The following VAV3 variants were observed in gnomAD, a reference collection of about 807,000 sequenced individuals.
VAV3 encodes guanine nucleotide exchange factor VAV3.
Under a neutral mutation model 131.2 loss-of-function variants are expected in VAV3, and 94 were observed. The observed-to-expected ratio is 0.72, with a 90% CI of 0.61 to 0.85. VAV3 has a LOEUF of 0.85. Ranked by LOEUF, VAV3 falls within the 40% of genes least tolerant of loss-of-function variation. The probability of loss-of-function intolerance (pLI) is 0.00; values close to 1 mark genes in which losing one functional copy is unlikely to be tolerated. For synonymous variants in VAV3, 349 were observed against 342.0 expected (o/e 1.02, Z -0.22); for missense variants, 939 against 1,002.7 (o/e 0.94, Z 0.86).
chr1:107,621,503 T>A (rs1243571526), intron 20 of VAV3, among the ~76,000 whole-genome samples: 1 of 152,028 alleles, frequency 6.6e-6, no homozygotes, highest in Non-Finnish European at 1.5e-5. Flanking sequence ...CAGCTGTCAA[T>A]CCCCTATGCA....
At chr1:107,931,489 G>A (rs1003004467) in intron 1 of VAV3, among the ~76,000 whole-genome samples, 4 of 152,122 alleles carry the variant, frequency 2.6e-5, no homozygotes, top group African/African-American at 2.4e-5. Context: ...CTAGATAACC[G>A]TTGAATCCAG....
At chr1:107,766,314 T>C in intron 8 of VAV3, 133 bp downstream of exon 8, 1 of 607,208 alleles carries the variant, frequency 1.6e-6, no homozygotes, top group Non-Finnish European at 2.9e-6. Context: ...TGAAAGTAAT[T>C]GTCCCACGTT....
At chr1:107,602,559 C>T (rs1651947701) in intron 23 of VAV3, 75 bp from the exon 24 acceptor site, 2 of 1,151,876 alleles carry the variant, frequency 1.7e-6, no homozygotes, top group Non-Finnish European at 2.4e-6. Context: ...AGAGGGCATG[C>T]CCCAATAACA....
At chr1:107,664,004 T>C (rs1442473864) in intron 19 of VAV3, among the ~76,000 whole-genome samples, 1 of 152,234 alleles carries the variant, frequency 6.6e-6, no homozygotes, top group Non-Finnish European at 1.5e-5. Flanking sequence ...CTTTTCATTA[T>C]TTTTGTACAT....
At chr1:107,669,304 C>G (rs943491900) in intron 19 of VAV3, 6 of 1,288,928 alleles carry the variant, frequency 4.7e-6, no homozygotes, top group Non-Finnish European at 6.1e-6. Context: ...AAAGAGCTAC[C>G]CAGTATTGTT....
intron 20 of VAV3, 79 bp from the exon 21 acceptor site, chr1:107,617,711 C>T: frequency 7.9e-7 from 1 of 1,267,832 alleles, no homozygotes; most frequent in Non-Finnish European, 1.1e-6. Flanking sequence ...ATACATAGCA[C>T]TGTTACTTAG....
intron 15 of VAV3, among the ~76,000 whole-genome samples, chr1:107,715,359 GACAA>G (rs1196968449): frequency 2.0e-5 from 3 of 152,154 alleles, no homozygotes; most frequent in African/African-American, 4.8e-5. Flanking sequence ...TATCATAAGT[GACAA>G]ACATTTAGTG....
rs1282594059 is a variant in VAV3 at position 107,770,662 on chromosome 1, T to G, written c.622A>C (p.Thr208Pro). The change falls in exon 6 of 27, where the codon ACA (threonine) becomes CCA (proline). Residue 208 changes from threonine (T) to proline (P), a missense_variant. Coordinates refer to ENST00000370056, the MANE Select transcript of VAV3 (RefSeq NM_006113.5). The part of the protein sequence containing the change: ...AEIKQTEEKY[T>P]ETLESIEKYF... ...TTTTCTATTGACTCCAAAGTTTCTG[T>G]ATATTTTTCTTCTGTCTGCTTAATT... 1 of 1,612,092 alleles carries G rather than the reference T, an allele frequency of 6.2e-7. No individual in the cohort carries two copies. The highest frequency in any genetic ancestry group is 8.5e-7 in the Non-Finnish European group (1 of 1,178,826).
At chr1:107,700,056 G>A (rs1660004497) in intron 17 of VAV3, among the ~76,000 whole-genome samples, 1 of 152,178 alleles carries the variant, frequency 6.6e-6, no homozygotes, top group African/African-American at 2.4e-5. Context: ...AATTATAAGT[G>A]CAAGTGAGTT....
intron 15 of VAV3, among the ~76,000 whole-genome samples, chr1:107,737,589 C>A (rs1043982003): frequency 2.0e-5 from 3 of 152,130 alleles, no homozygotes; most frequent in Non-Finnish European, 2.9e-5. Context: ...ATGCAGCCAA[C>A]AGACACATGA....
chr1:107,909,949 T>C (rs1672291048), intron 1 of VAV3, among the ~76,000 whole-genome samples: 1 of 152,198 alleles, frequency 6.6e-6, no homozygotes, highest in South Asian at 2.1e-4. Context: ...AATTAAGAAG[T>C]GGCAGACATC....
At chr1:107,664,486 G>C (rs148140579) in intron 19 of VAV3, among the ~76,000 whole-genome samples, 7 of 152,170 alleles carry the variant, frequency 4.6e-5, no homozygotes, top group Non-Finnish European at 1.0e-4. Flanking sequence ...CAAAGTATAA[G>C]AAGCAGCAGC....
intron 2 of VAV3, among the ~76,000 whole-genome samples, chr1:107,867,339 A>G (rs1439071005): frequency 6.6e-6 from 1 of 152,200 alleles, no homozygotes; most frequent in African/African-American, 2.4e-5. Flanking sequence ...GGTGTAAAAA[A>G]TGTGTTTGCA....
chr1:107,816,142 G>T (rs1667550875), intron 2 of VAV3, among the ~76,000 whole-genome samples: 1 of 152,120 alleles, frequency 6.6e-6, no homozygotes, highest in South Asian at 2.1e-4. Context: ...ACTTGTCTGT[G>T]GCCCAGGGGT....
intron 6 of VAV3, among the ~76,000 whole-genome samples, chr1:107,769,342 C>G (rs974771092): frequency 3.9e-5 from 6 of 152,208 alleles, no homozygotes; most frequent in Non-Finnish European, 7.3e-5. Flanking sequence ...ATGGACATTA[C>G]CGATCGTCTA....
intron 12 of VAV3, among the ~76,000 whole-genome samples, chr1:107,751,610 A>G (rs1460170595): frequency 6.6e-6 from 1 of 151,414 alleles, no homozygotes; most frequent in Non-Finnish European, 1.5e-5. Flanking sequence ...CAGTGGAGGA[A>G]CAAATATTCA....
Position 107,879,855 on chromosome 1 carries a change from T to C in VAV3, c.205-4838A>G, listed in dbSNP as rs966111056. On this transcript the variant is annotated intron_variant, in intron 1 of 26. Transcript: ENST00000370056. ...AATATTCAGTGTATCCATATAAGAG[T>C]TGCCAAGTAAGGATACACAAAAGTT... Among the ~76,000 whole-genome samples the C allele has an allele frequency of 3.5e-4, 54 of 152,166 alleles. 1 individual carries two copies. The highest frequency in any genetic ancestry group is 1.3e-3 in the African/African-American group (52 of 41,518).
intron 2 of VAV3, among the ~76,000 whole-genome samples, chr1:107,812,097 A>G (rs1667340407): frequency 6.6e-6 from 1 of 152,220 alleles, no homozygotes; most frequent in Admixed American, 6.5e-5. Flanking sequence ...TTAAAAAAGA[A>G]ATGTTTAAAT....
chr1:107,917,971 A>G (rs907229177), intron 1 of VAV3, among the ~76,000 whole-genome samples: 6 of 152,226 alleles, frequency 3.9e-5, no homozygotes, highest in Non-Finnish European at 1.5e-5. Context: ...AATTAACTGA[A>G]AAAGGGTAGT....
Sources: gnomAD v4.1 joint callset for allele counts (sites outside exome capture counted in the v4.1 genomes callset) on GRCh38, gnomAD v4.1.1 for gene constraint, MANE v1.5 for transcripts, NCBI Gene and HGNC (gene_info 2026-07-23, HGNC 2026-07-21) for gene names.